Variants in MMS22L observed in about 807,000 individuals in gnomAD.
MMS22L encodes protein MMS22-like.
Under a neutral mutation model 159.1 loss-of-function variants are expected in MMS22L, and 74 were observed. The observed-to-expected ratio is 0.47, with a 90% CI of 0.39 to 0.56. MMS22L has a LOEUF of 0.56. Among genes scored for constraint, MMS22L ranks in the 20% least tolerant of loss-of-function variants. The pLI is 0.00. For missense variants in MMS22L, 1,351 were observed against 1,422.1 expected (o/e 0.95, Z 0.80); for synonymous variants, 517 against 506.9 (o/e 1.02, Z -0.27).
chr6:97,204,889 AT>A (rs202187739), intron 14 of MMS22L, among the ~76,000 whole-genome samples: 80,065 of 124,108 alleles, frequency 0.65, 27,008 homozygotes, highest in Middle Eastern at 0.75. Context: ...AGAGCTGGCA[AT>A]TTTTTTTTTT....
intron 18 of MMS22L, among the ~76,000 whole-genome samples, chr6:97,173,779 T>C (rs1464651794): frequency 1.3e-5 from 2 of 150,392 alleles, no homozygotes; most frequent in Non-Finnish European, 3.0e-5. Context: ...AAGGTAGAGA[T>C]GGCAAAATGG....
At chr6:97,172,445 A>G (rs2128255021) in intron 19 of MMS22L, among the ~76,000 whole-genome samples, 1 of 152,278 alleles carries the variant, frequency 6.6e-6, no homozygotes, top group South Asian at 2.1e-4. Flanking sequence ...CTTCTAAGGA[A>G]ATCTTTCTCA....
At chr6:97,181,798 A>C in intron 16 of MMS22L, 106 bp downstream of exon 16, 3 of 1,125,870 alleles carry the variant, frequency 2.7e-6, no homozygotes, top group Non-Finnish European at 3.6e-6. Context: ...AAGTGAGAGT[A>C]TATGTAGTAG....
At chr6:97,188,959 C>G (rs1036138926) in intron 14 of MMS22L, among the ~76,000 whole-genome samples, 6 of 151,056 alleles carry the variant, frequency 4.0e-5, no homozygotes, top group African/African-American at 1.5e-4. Context: ...AAGACTTTCT[C>G]AAAATAATTT....
rs576612116 is a variant in MMS22L at position 97,235,763 on chromosome 6, A to C, written c.1183-1783T>G. ...TAGGAGGTGAGGAAGTAAATATTTAAGTGAAAATACACAAACAATAAAGTC... is the reference window on the plus strand; with the variant it reads ...TAGGAGGTGAGGAAGTAAATATTTACGTGAAAATACACAAACAATAAAGTC... On this transcript the variant is annotated intron_variant, in intron 11 of 24. Coordinates refer to ENST00000683635, the MANE Select transcript of MMS22L (RefSeq NM_001350599.2). Among the ~76,000 whole-genome samples, 3 of 152,344 alleles carry C rather than the reference A, an allele frequency of 2.0e-5. No individual in the cohort carries two copies. The South Asian group carries it at 6.2e-4, about 32-fold the overall frequency.
chr6:97,178,736 C>A (rs561634350), intron 17 of MMS22L, 151 bp from the exon 18 acceptor site: 2 of 410,542 alleles, frequency 4.9e-6, no homozygotes, highest in African/African-American at 2.1e-5. Flanking sequence ...AATTTCCACA[C>A]AAGGACTTCA....
At chr6:97,170,827 T>G (rs1056893131) in intron 19 of MMS22L, among the ~76,000 whole-genome samples, 1 of 152,064 alleles carries the variant, frequency 6.6e-6, no homozygotes, top group South Asian at 2.1e-4. Flanking sequence ...GGTAACATAG[T>G]GAGATCCTGT....
chr6:97,156,706 G>T (rs1217035050), intron 22 of MMS22L, among the ~76,000 whole-genome samples: 2 of 152,126 alleles, frequency 1.3e-5, no homozygotes, highest in Non-Finnish European at 2.9e-5. Flanking sequence ...ATGCTGTTTT[G>T]ATTACTGTAG....
chr6:97,214,904 A>T (rs1395518190), intron 14 of MMS22L, among the ~76,000 whole-genome samples: 1 of 150,830 alleles, frequency 6.6e-6, no homozygotes, highest in Non-Finnish European at 1.5e-5. Context: ...GATGAAAAAA[A>T]TACGTAATTA....
intron 14 of MMS22L, among the ~76,000 whole-genome samples, chr6:97,210,931 T>C (rs780155059): frequency 8.6e-5 from 13 of 152,010 alleles, no homozygotes; most frequent in Non-Finnish European, 1.6e-4. Context: ...ATCAAATTAA[T>C]GGTCCAACCA....
intron 22 of MMS22L, among the ~76,000 whole-genome samples, chr6:97,160,922 T>C (rs966020277): frequency 1.5e-4 from 23 of 151,986 alleles, no homozygotes; most frequent in African/African-American, 5.3e-4. Context: ...AAAATTTCCA[T>C]TTGGTTCTTT....
intron 6 of MMS22L, chr6:97,272,315 T>A (rs999582464): frequency 6.5e-6 from 1 of 154,504 alleles, no homozygotes; most frequent in African/African-American, 2.4e-5. Context: ...TATAAGCTGA[T>A]CTTGAATCTT....
Position 97,267,966 on chromosome 6 carries a change from G to C in MMS22L, c.734C>G (p.Ala245Gly), listed in dbSNP as rs1468414201. The change falls in exon 8 of 25, where the codon GCA (alanine) becomes GGA (glycine). Residue 245 changes from alanine (A) to glycine (G), a missense_variant. Transcript: ENST00000683635. Reference sequence around the variant, plus strand: ...GCTGATGTTGGTTAAATTGTCACTTGCCAGATTCATAAACTGATGACCATA... The same window carrying C: ...GCTGATGTTGGTTAAATTGTCACTTCCCAGATTCATAAACTGATGACCATA... ...VVYGHQFMNLASDNLTNISLF... is the reference protein window; with the variant it reads ...VVYGHQFMNLGSDNLTNISLF... 7 of 1,603,100 alleles carry C rather than the reference G, an allele frequency of 4.4e-6. No individual in the cohort carries two copies. Among genetic ancestry groups the C allele is most frequent in the Non-Finnish European group, 5.1e-6 (6 of 1,175,434 alleles).
intron 9 of MMS22L, among the ~76,000 whole-genome samples, chr6:97,262,307 T>C (rs1240933560): frequency 6.6e-6 from 1 of 151,926 alleles, no homozygotes; most frequent in African/African-American, 2.4e-5. Flanking sequence ...TAATTCAAAA[T>C]AAATACAGTA....
intron 9 of MMS22L, among the ~76,000 whole-genome samples, chr6:97,257,243 T>C (rs1461764383): frequency 6.6e-6 from 1 of 152,238 alleles, no homozygotes; most frequent in East Asian, 1.9e-4. Context: ...TTTCATGTTT[T>C]CCATCTTTTG....
intron 19 of MMS22L, 70 bp downstream of exon 19, chr6:97,172,993 C>G: frequency 6.9e-7 from 1 of 1,448,544 alleles, no homozygotes; most frequent in Non-Finnish European, 9.4e-7. Context: ...CAATATATAC[C>G]TATCCATCAT....
intron 14 of MMS22L, among the ~76,000 whole-genome samples, chr6:97,210,100 G>C (rs1187030936): frequency 6.6e-6 from 1 of 151,852 alleles, no homozygotes; most frequent in East Asian, 1.9e-4. Context: ...GGACCTGCCT[G>C]AGGTCCCAGA....
intron 9 of MMS22L, among the ~76,000 whole-genome samples, chr6:97,258,476 C>T (rs1259495523): frequency 6.6e-6 from 1 of 152,004 alleles, no homozygotes; most frequent in African/African-American, 2.4e-5. Context: ...GTAAGCCCAC[C>T]CAGTGAAAAA....
intron 19 of MMS22L, among the ~76,000 whole-genome samples, chr6:97,170,473 T>G (rs369464282): frequency 6.7e-6 from 1 of 148,426 alleles, no homozygotes; most frequent in Admixed American, 6.7e-5. Flanking sequence ...TTTTTTTTTT[T>G]CTTTTTCTGG....
Sources: gnomAD v4.1 joint callset for allele counts (sites outside exome capture counted in the v4.1 genomes callset) on GRCh38, gnomAD v4.1.1 for gene constraint, MANE v1.5 for transcripts, NCBI Gene and HGNC (gene_info 2026-07-23, HGNC 2026-07-21) for gene names.